SLC26A8: variants seen among roughly 807,000 people sequenced by gnomAD.
SLC26A8 encodes the protein testis anion transporter 1.
SLC26A8 carries 70 observed loss-of-function variants against 105.0 expected under a neutral mutation model. The observed-to-expected ratio is 0.67, with a 90% confidence interval of 0.55 to 0.81. SLC26A8 has a LOEUF of 0.81. Ranked by LOEUF, SLC26A8 falls within the 40% of genes least tolerant of loss-of-function variation. The probability of loss-of-function intolerance (pLI) is 0.00; values close to 1 mark genes in which losing one functional copy is unlikely to be tolerated. For missense variants in SLC26A8, 998 were observed against 1,181.8 expected, an observed-to-expected ratio of 0.84 and a Z score of 2.28; for synonymous variants, 415 against 438.3, an observed-to-expected ratio of 0.95 and a Z score of 0.66.
chr6:35,966,254 T>A (rs1439339969), intron 11 of SLC26A8, among the ~76,000 whole-genome samples: 1 of 152,310 alleles, frequency 6.6e-6, no homozygotes, highest in Middle Eastern at 3.4e-3. Flanking sequence ...TTTCCCACCA[T>A]ACCATCTTTT....
At chr6:35,988,965 C>T (rs999633835) in intron 7 of SLC26A8, among the ~76,000 whole-genome samples, 14 of 151,574 alleles carry the variant, frequency 9.2e-5, no homozygotes, top group East Asian at 7.9e-4. Context: ...CTCAGCCTCC[C>T]GAGTAGCTGG....
At chr6:35,995,278 A>G (rs1320411773) in intron 5 of SLC26A8, among the ~76,000 whole-genome samples, 1 of 152,190 alleles carries the variant, frequency 6.6e-6, no homozygotes, top group African/African-American at 2.4e-5. Flanking sequence ...CAGTGTTAAC[A>G]TAATATTCTA....
chr6:35,999,192 C>G (rs751207013), intron 4 of SLC26A8, among the ~76,000 whole-genome samples: 1 of 152,118 alleles, frequency 6.6e-6, no homozygotes, highest in Non-Finnish European at 1.5e-5. Flanking sequence ...CCGTACCTGG[C>G]CAAGCTATTC....
chr6:35,991,575 C>A, intron 7 of SLC26A8, 84 bp downstream of exon 7: 1 of 1,086,790 alleles, frequency 9.2e-7, no homozygotes, highest in Non-Finnish European at 1.3e-6. Context: ...TAAATGTATT[C>A]AGCTTTTACA....
At chr6:35,977,117 T>G (rs2127324462) in intron 9 of SLC26A8, 87 bp downstream of exon 9, 1 of 1,453,862 alleles carries the variant, frequency 6.9e-7, no homozygotes, top group Non-Finnish European at 9.3e-7. Context: ...GGCTCTTCAG[T>G]TAAAAAAGAC....
At chr6:35,969,883 T>C (rs1407966346) in intron 10 of SLC26A8, 6 of 152,180 alleles carry the variant, frequency 3.9e-5, no homozygotes, top group African/African-American at 1.4e-4. Context: ...CCTATCCCAG[T>C]TGGGTTGACT....
At chr6:35,977,427 T>G in intron 8 of SLC26A8, 76 bp from the exon 9 acceptor site, 1 of 1,356,576 alleles carries the variant, frequency 7.4e-7, no homozygotes, top group Non-Finnish European at 1.0e-6. Context: ...ATTCTAACAC[T>G]GGGCTGTCCT....
chr6:35,992,526 G>T lies in SLC26A8; in HGVS notation c.776C>A (p.Pro259His). The T allele has an allele frequency of 1.9e-6, 3 of 1,612,636 alleles. No homozygotes were observed. Among genetic ancestry groups the T allele is most frequent in the Non-Finnish European group, 2.5e-6 (3 of 1,179,512 alleles). The change falls in exon 6 of 20, where the codon CCC becomes CAC. Residue 259 changes from proline to histidine, a missense_variant. By Grantham distance (77) the Pro-to-His change is moderately conservative. Coordinates refer to ENST00000490799, the MANE Select transcript of SLC26A8 (RefSeq NM_052961.4). ...FGIMISFHAG[P>H]ISFFYDIINY... is the part of the protein sequence containing the mutation. ...ATTACTCACATAGAAGAAGGAGATG[G>T]GACCGGCATGGAAACTAATCATAAT...
intron 3 of SLC26A8, among the ~76,000 whole-genome samples, chr6:36,006,532 C>T (rs1761691717): frequency 6.6e-6 from 1 of 152,164 alleles, no homozygotes; most frequent in African/African-American, 2.4e-5. Context: ...CAAGATTATA[C>T]TGATGACTTT....
At chr6:36,007,026 A>G (rs1761707553) in intron 3 of SLC26A8, among the ~76,000 whole-genome samples, 1 of 152,218 alleles carries the variant, frequency 6.6e-6, no homozygotes, top group Non-Finnish European at 1.5e-5. Context: ...TACAGCTAAC[A>G]TCATACTTAG....
chr6:36,002,597 G>A (rs1761554399), intron 3 of SLC26A8, among the ~76,000 whole-genome samples: 1 of 151,846 alleles, frequency 6.6e-6, no homozygotes, highest in African/African-American at 2.4e-5. Context: ...TAATAATGTT[G>A]AGCACCCTTG....
chr6:36,000,231 T>C, intron 3 of SLC26A8, 123 bp from the exon 4 acceptor site: 1 of 643,042 alleles, frequency 1.6e-6, no homozygotes, highest in Non-Finnish European at 2.8e-6. Flanking sequence ...GTGGTAATAG[T>C]ATTTCTGGAC....
At chr6:36,012,183 C>A (rs1761878109) in intron 3 of SLC26A8, 50 bp downstream of exon 3, 1 of 1,581,048 alleles carries the variant, frequency 6.3e-7, no homozygotes, top group Non-Finnish European at 8.5e-7. Flanking sequence ...GGCACGTGGA[C>A]AAGGTCTGAT....
intron 10 of SLC26A8, among the ~76,000 whole-genome samples, chr6:35,974,918 TTC>T (rs1772940167): frequency 6.6e-6 from 1 of 151,812 alleles, no homozygotes; most frequent in Non-Finnish European, 1.5e-5. Context: ...TTTTTTTTTT[TTC>T]TTTTTTTTTG....
chr6:36,009,457 A>G (rs1433753110), intron 3 of SLC26A8, among the ~76,000 whole-genome samples: 1 of 152,198 alleles, frequency 6.6e-6, no homozygotes, highest in East Asian at 1.9e-4. Flanking sequence ...ATATCCTTCA[A>G]TGGGTAAATG....
chr6:35,953,354 G>C (rs1007601359), intron 17 of SLC26A8, among the ~76,000 whole-genome samples: 12 of 151,506 alleles, frequency 7.9e-5, no homozygotes, highest in African/African-American at 2.9e-4. Context: ...ATGGAACAGA[G>C]AGAAAGTATG....
chr6:36,002,889 A>G (rs1204522524), intron 3 of SLC26A8, among the ~76,000 whole-genome samples: 2 of 151,930 alleles, frequency 1.3e-5, no homozygotes, highest in Non-Finnish European at 2.9e-5. Flanking sequence ...TTTTTAGTAG[A>G]GACGGGGTTT....
intron 10 of SLC26A8, among the ~76,000 whole-genome samples, chr6:35,970,510 G>C (rs1202140715): frequency 6.6e-6 from 1 of 152,162 alleles, no homozygotes; most frequent in South Asian, 2.1e-4. Context: ...ACTGAGACAG[G>C]TAACCCCAAA....
At chr6:35,976,239 C>T (rs953506848) in intron 9 of SLC26A8, among the ~76,000 whole-genome samples, 6 of 151,968 alleles carry the variant, frequency 3.9e-5, no homozygotes, top group African/African-American at 1.4e-4. Context: ...GTCTGGCCAA[C>T]GTGGTGAAAC....
Sources: allele counts gnomAD v4.1 joint callset (sites outside exome capture counted in the v4.1 genomes callset), GRCh38; gene constraint gnomAD v4.1.1; transcripts MANE v1.5; gene names NCBI Gene and HGNC (gene_info 2026-07-23, HGNC 2026-07-21).